ADGRF5: variants seen among roughly 807,000 people sequenced by gnomAD.
The protein encoded by ADGRF5 is adhesion G protein-coupled receptor F5.
A neutral mutation model predicts 132.3 loss-of-function variants in ADGRF5; 75 were observed. That is an observed-to-expected ratio of 0.57 (90% CI 0.47 to 0.69). The LOEUF (loss-of-function observed/expected upper bound fraction) is 0.69, where lower values mean the gene tolerates loss of function less well. Ranked by LOEUF, ADGRF5 falls within the 30% of genes least tolerant of loss-of-function variation. The pLI is 0.00. For synonymous variants in ADGRF5, 629 were observed against 597.6 expected, an observed-to-expected ratio of 1.05 and a Z score of -0.77; for missense variants, 1,516 against 1,630.6, an observed-to-expected ratio of 0.93 and a Z score of 1.21.
At chr6:46,874,514 G>C (rs1240714603) in intron 10 of ADGRF5, among the ~76,000 whole-genome samples, 1 of 152,214 alleles carries the variant, frequency 6.6e-6, no homozygotes, top group Non-Finnish European at 1.5e-5. Context: ...GATTAAAGGA[G>C]GGATGTTTAG....
At chr6:46,878,168 C>T (rs1418515287) in intron 10 of ADGRF5, 34 bp downstream of exon 10, 3 of 1,434,300 alleles carry the variant, frequency 2.1e-6, no homozygotes, top group African/African-American at 2.8e-5. Flanking sequence ...GAGGCAAAAA[C>T]CTATTTGCAA....
intron 14 of ADGRF5, 71 bp from the exon 15 acceptor site, chr6:46,863,167 C>A: frequency 2.6e-6 from 3 of 1,174,622 alleles, no homozygotes; most frequent in Non-Finnish European, 3.8e-6. Context: ...ACGGTCAGGC[C>A]AAGGTAGAAT....
chr6:46,872,933 CATGTAACTAG>C (rs1348871215), intron 10 of ADGRF5, among the ~76,000 whole-genome samples: 1 of 152,180 alleles, frequency 6.6e-6, no homozygotes, highest in African/African-American at 2.4e-5. Flanking sequence ...TTTCAATCAA[CATGTAACTAG>C]CTTTTCTCCC....
chr6:46,911,542 C>A (rs1203263067), intron 1 of ADGRF5, among the ~76,000 whole-genome samples: 1 of 152,168 alleles, frequency 6.6e-6, no homozygotes, highest in African/African-American at 2.4e-5. Context: ...AGATTCTACC[C>A]ATCCTTCAAT....
chr6:46,860,737 TGGGTTGGAACTGTTGA>T lies in ADGRF5; in HGVS notation c.2341_2356del (p.Ser781LysfsTer2). 6.2e-7 allele frequency: 1 copy of T among 1,612,656 alleles called. No individual in the cohort carries two copies. Among genetic ancestry groups the T allele is most frequent in the Middle Eastern group, 1.7e-4 (1 of 6,056 alleles). On this transcript the variant is annotated frameshift_variant, in exon 16 of 21. Coordinates refer to ENST00000283296, the MANE Select transcript of ADGRF5 (RefSeq NM_001098518.2). LOFTEE classifies it high-confidence loss of function. ...CACCGTCATCATTTCTGAATTTACTTGGGTTGGAACTGTTGAGAGCAGATCAAGGATGTTAATAATG... is the reference window on the plus strand; with the variant it reads ...CACCGTCATCATTTCTGAATTTACTTGAGCAGATCAAGGATGTTAATAATG...
At chr6:46,854,302 A>T (rs1355084658) in intron 20 of ADGRF5, among the ~76,000 whole-genome samples, 1 of 152,148 alleles carries the variant, frequency 6.6e-6, no homozygotes, top group Admixed American at 6.5e-5. Flanking sequence ...ACTACTTCAC[A>T]TCATACCAGC....
At chr6:46,945,585 A>T (rs1166870499) in intron 1 of ADGRF5, among the ~76,000 whole-genome samples, 1 of 152,242 alleles carries the variant, frequency 6.6e-6, no homozygotes, top group Admixed American at 6.5e-5. Flanking sequence ...ACTGTAAAAC[A>T]GGCTTGGGAC....
rs568056502 is a variant in ADGRF5, at chr6:46,881,686, G to A, written c.672-89C>T. 84 of 1,113,498 alleles carry A rather than the reference G, an allele frequency of 7.5e-5. No homozygotes were observed. The Middle Eastern group carries it at 2.8e-3, about 37-fold the overall frequency. The allele number at this position is 1,113,498 out of a possible 1,614,324, so 69.0% of individuals were successfully genotyped here. A position where few individuals can be genotyped will look rare whatever the true frequency, so the allele number is the denominator to read the frequency against. ...GCTTATTTGCTTAGGAAACAAAATAGCACAAACTGCCTGATGCAGCATGCA... is the reference window on the plus strand; with the variant it reads ...GCTTATTTGCTTAGGAAACAAAATAACACAAACTGCCTGATGCAGCATGCA... On this transcript the variant is annotated intron_variant, in intron 7 of 20. Transcript: ENST00000283296.
chr6:46,868,478 A>C (rs1770698226), intron 12 of ADGRF5, among the ~76,000 whole-genome samples: 1 of 152,258 alleles, frequency 6.6e-6, no homozygotes. Context: ...GGATAGAGGT[A>C]AACAGGAAAT....
chr6:46,906,187 T>C (rs1775346211), intron 2 of ADGRF5, among the ~76,000 whole-genome samples: 1 of 152,232 alleles, frequency 6.6e-6, no homozygotes, highest in African/African-American at 2.4e-5. Flanking sequence ...TCCCTTCAGC[T>C]ATATCAGTCT....
At chr6:46,918,880 T>C (rs907070210) in intron 1 of ADGRF5, among the ~76,000 whole-genome samples, 18 of 152,344 alleles carry the variant, frequency 1.2e-4, no homozygotes, top group Middle Eastern at 3.4e-3. Context: ...TTAGCCACTG[T>C]ATCTTACACA....
intron 2 of ADGRF5, among the ~76,000 whole-genome samples, chr6:46,902,054 A>T (rs1243842538): frequency 2.6e-5 from 4 of 152,182 alleles, no homozygotes; most frequent in Admixed American, 2.6e-4. Context: ...ATGGATGATG[A>T]TTGGAATTTC....
intron 20 of ADGRF5, among the ~76,000 whole-genome samples, chr6:46,855,768 A>G (rs1368754616): frequency 6.6e-6 from 1 of 152,196 alleles, no homozygotes; most frequent in East Asian, 1.9e-4. Flanking sequence ...ATGAGTTATT[A>G]TAAGTTGCTT....
chr6:46,870,791 T>C, intron 11 of ADGRF5: 1 of 425,472 alleles, frequency 2.4e-6, no homozygotes, highest in Non-Finnish European at 4.7e-6. Context: ...TAAAGTTATG[T>C]TAAGTAATTT....
intron 1 of ADGRF5, among the ~76,000 whole-genome samples, chr6:46,927,883 G>A (rs549726678): frequency 6.6e-6 from 1 of 152,256 alleles, no homozygotes; most frequent in African/African-American, 2.4e-5. Flanking sequence ...CAACAAGCAA[G>A]CTTTATTGCA....
chr6:46,944,654 T>C (rs1436862230), intron 1 of ADGRF5, among the ~76,000 whole-genome samples: 2 of 152,226 alleles, frequency 1.3e-5, no homozygotes, highest in African/African-American at 4.8e-5. Context: ...AAATATGTCA[T>C]ATAAAATATG....
intron 1 of ADGRF5, among the ~76,000 whole-genome samples, chr6:46,947,225 T>A (rs1346810118): frequency 6.6e-6 from 1 of 152,184 alleles, no homozygotes; most frequent in Non-Finnish European, 1.5e-5. Flanking sequence ...GAAAAGCAAC[T>A]ATAATTCTGA....
chr6:46,855,182 G>T (rs1252889679), intron 20 of ADGRF5, among the ~76,000 whole-genome samples: 1 of 152,132 alleles, frequency 6.6e-6, no homozygotes, highest in Non-Finnish European at 1.5e-5. Context: ...ATTTAACTGT[G>T]AATATTTTTT....
chr6:46,889,371 C>T (rs540976307), intron 3 of ADGRF5, among the ~76,000 whole-genome samples: 18 of 146,194 alleles, frequency 1.2e-4, no homozygotes, highest in African/African-American at 4.0e-4. Context: ...CATATACAGT[C>T]TATGTATAGA....
Sources: gnomAD v4.1 joint callset for allele counts (sites outside exome capture counted in the v4.1 genomes callset) on GRCh38, gnomAD v4.1.1 for gene constraint, MANE v1.5 for transcripts, NCBI Gene and HGNC (gene_info 2026-07-23, HGNC 2026-07-21) for gene names.